The following BTD variants were observed in gnomAD, a reference collection of about 807,000 sequenced individuals.
The protein encoded by BTD is biocytinase.
In BTD, 13 loss-of-function variants were observed where a neutral mutation model predicts 17.7. The ratio of observed to expected loss-of-function variants is 0.74; its 90% CI spans 0.48 to 1.17. The LOEUF is 1.17. Among genes scored for constraint, BTD ranks in the 50% most tolerant of loss-of-function variants. BTD has a pLI of 0.00. For synonymous variants in BTD, 240 were observed against 245.2 expected, an observed-to-expected ratio of 0.98 and a Z score of 0.20; for missense variants, 674 against 650.4, an observed-to-expected ratio of 1.04 and a Z score of -0.39.
At chr3:15,684,545 TCTC>T (rs2067888826) in intron 3 of BTD, 1 of 152,196 alleles carries the variant, frequency 6.6e-6, no homozygotes, top group African/African-American at 2.4e-5. Flanking sequence ...TCTCACTGTT[TCTC>T]CTACTTTTGG....
chr3:15,682,282 C>T (rs1575121984), intron 3 of BTD, among the ~76,000 whole-genome samples: 2 of 152,212 alleles, frequency 1.3e-5, no homozygotes, highest in Middle Eastern at 3.4e-3. Flanking sequence ...ATTACAATTT[C>T]TAATACAGTC....
chr3:15,696,848 ATATGTAAAACCAC>A, intron 3 of BTD, among the ~76,000 whole-genome samples: 1 of 152,304 alleles, frequency 6.6e-6, no homozygotes, highest in East Asian at 1.9e-4. Context: ...AAAAAACACT[ATATGTAAAACCAC>A]TATGGAAAAC....
rs554842851 is a variant in BTD at position 15,646,775 on chromosome 3, C to T, written c.*1287C>T. 1 of 152,278 alleles carries T rather than the reference C, an allele frequency of 6.6e-6. No individual in the cohort carries two copies. 9.4% of individuals were successfully genotyped at this position (152,278 alleles called of 1,614,324 possible). On this transcript the variant is annotated 3_prime_UTR_variant, in exon 4 of 4. Coordinates refer to ENST00000643237, the MANE Select transcript of BTD (RefSeq NM_001370658.1). The stretch of plus-strand genomic sequence containing the variant: ...TTTTAAACAGTATATGCTTAAACAT[C>T]ACACGATTTTATAAAGCAAGAAAAA...
intron 1 of BTD, among the ~76,000 whole-genome samples, chr3:15,621,663 G>C (rs1168452874): frequency 6.6e-6 from 1 of 151,722 alleles, no homozygotes; most frequent in Non-Finnish European, 1.5e-5. Flanking sequence ...GCAATGGTGC[G>C]ATCTTGGCTC....
chr3:15,721,146 A>G, intron 4 of BTD: 2 of 1,592,202 alleles, frequency 1.3e-6, no homozygotes, highest in South Asian at 1.1e-5. Flanking sequence ...AGGGAAAAAA[A>G]TGCGAATGTT....
chr3:15,698,654 A>G (rs529172459), intron 3 of BTD, among the ~76,000 whole-genome samples: 8 of 152,298 alleles, frequency 5.3e-5, no homozygotes, highest in African/African-American at 1.7e-4. Context: ...CTACAAAGAG[A>G]GTAAAATACC....
At position 15,650,933 on chromosome 3, in the gene BTD, C is replaced by G. The variant is rs151213903; in HGVS notation, c.*5445C>G. 4.4e-3 allele frequency among the ~76,000 whole-genome samples: 672 copies of G among 152,300 alleles called. 8 individuals are homozygous for G. The highest frequency in any genetic ancestry group is 0.015 in the South Asian group (73 of 4,818). ...TACAGGCACGTGCCACCACGCCCAG[C>G]TAATTTTTTGTATTTTTATAGAGAC... is the stretch of plus-strand genomic sequence containing the variant. On this transcript the variant is annotated 3_prime_UTR_variant, in exon 4 of 4. Transcript: ENST00000643237.
At chr3:15,707,263 A>C (rs966813722) in intron 3 of BTD, among the ~76,000 whole-genome samples, 1 of 152,178 alleles carries the variant, frequency 6.6e-6, no homozygotes, top group African/African-American at 2.4e-5. Flanking sequence ...AAGAAGAAAA[A>C]AAAAATATGT....
chr3:15,720,794 A>C (rs2073646077), intron 4 of BTD: 7 of 896,900 alleles, frequency 7.8e-6, no homozygotes, highest in Non-Finnish European at 1.0e-5. Context: ...TAATATTTTA[A>C]AGATTTATCC....
intron 3 of BTD, among the ~76,000 whole-genome samples, chr3:15,659,302 G>GT (rs2065899835): frequency 6.6e-6 from 1 of 151,892 alleles, no homozygotes; most frequent in Admixed American, 6.6e-5. Context: ...ATGACTGAGT[G>GT]TGGGGGGGAT....
At chr3:15,656,883 T>C (rs2065876078), downstream of BTD, among the ~76,000 whole-genome samples, 1 of 152,250 alleles carries the variant, frequency 6.6e-6, no homozygotes, top group Non-Finnish European at 1.5e-5. Flanking sequence ...CTATGAAACG[T>C]AATGGCTTGA....
At chr3:15,697,119 G>T (rs1011702950) in intron 3 of BTD, among the ~76,000 whole-genome samples, 1 of 152,100 alleles carries the variant, frequency 6.6e-6, no homozygotes, top group Non-Finnish European at 1.5e-5. Flanking sequence ...GACATAGAAA[G>T]GAACAAAATA....
At chr3:15,721,601 A>T (rs184457463) in intron 4 of BTD, among the ~76,000 whole-genome samples, 20 of 152,362 alleles carry the variant, frequency 1.3e-4, no homozygotes, top group Admixed American at 9.8e-4. Context: ...ATTTAAAAAA[A>T]AATGAACGGC....
At chr3:15,637,495 G>A (rs950941112) in intron 2 of BTD, among the ~76,000 whole-genome samples, 3 of 152,190 alleles carry the variant, frequency 2.0e-5, no homozygotes, top group Non-Finnish European at 2.9e-5. Context: ...CATTTATGCT[G>A]TTAAATTTCA....
intron 1 of BTD, 155 bp downstream of exon 1, chr3:15,602,049 C>T (rs2064273712): frequency 2.7e-6 from 4 of 1,473,710 alleles, no homozygotes; most frequent in East Asian, 2.4e-5. Context: ...GCTGTTTGTG[C>T]GTTGCTGCTG....
In BTD at chr3:15,644,507, T is replaced by A. The variant is rs767750851; in HGVS notation, c.591T>A (p.Phe197Leu). ...GCTACCGTAAACACAACCTCTACTT[T>A]GAGGCAGCATTCGATGTTCCTCTTA... Reference protein sequence around the residue: ...VDRYRKHNLYFEAAFDVPLKV... With the variant: ...VDRYRKHNLYLEAAFDVPLKV... Residue 197 changes from phenylalanine (F) to leucine (L), a missense_variant, in exon 4 of 4, where the codon TTT (phenylalanine) becomes TTA (leucine). Physicochemically the swap from Phe to Leu is conservative, Grantham distance 22. Coordinates refer to ENST00000643237, the MANE Select transcript of BTD (RefSeq NM_001370658.1). The A allele has an allele frequency of 6.2e-7, 1 of 1,614,194 alleles. No individual in the cohort carries two copies. The highest frequency in any genetic ancestry group is 1.3e-5 in the African/African-American group (1 of 75,040).
chr3:15,620,458 C>G (rs1487083227), intron 1 of BTD, among the ~76,000 whole-genome samples: 1 of 152,136 alleles, frequency 6.6e-6, no homozygotes, highest in Non-Finnish European at 1.5e-5. Flanking sequence ...CTCTTTTAGC[C>G]CAACCCCACA....
At chr3:15,713,912 TAAAAC>T (rs541113345), downstream of BTD, among the ~76,000 whole-genome samples, 79 of 152,284 alleles carry the variant, frequency 5.2e-4, no homozygotes, top group African/African-American at 1.4e-3. Flanking sequence ...ACTACTGTAT[TAAAAC>T]AAAATTAAAC....
intron 3 of BTD, among the ~76,000 whole-genome samples, chr3:15,683,275 T>A (rs1050938426): frequency 6.6e-6 from 1 of 152,198 alleles, no homozygotes; most frequent in Admixed American, 6.5e-5. Context: ...CAACTCACAA[T>A]TGTAGATATT....
Sources: gnomAD v4.1 joint callset for allele counts (sites outside exome capture counted in the v4.1 genomes callset) on GRCh38, gnomAD v4.1.1 for gene constraint, MANE v1.5 for transcripts, NCBI Gene and HGNC (gene_info 2026-07-23, HGNC 2026-07-21) for gene names.